Variants in MAPKBP1 observed in about 807,000 individuals in gnomAD.
The protein encoded by MAPKBP1 is mitogen-activated protein kinase binding protein 1.
In MAPKBP1, 71 loss-of-function variants were observed where a neutral mutation model predicts 170.5. The ratio of observed to expected loss-of-function variants is 0.42; its 90% CI spans 0.34 to 0.51. MAPKBP1 has a LOEUF of 0.51. Ranked by LOEUF, MAPKBP1 falls within the 20% of genes least tolerant of loss-of-function variation. The pLI is 0.06. For missense variants in MAPKBP1, 1,598 were observed against 1,933.0 expected, an observed-to-expected ratio of 0.83 and a Z score of 3.25; for synonymous variants, 719 against 757.9, an observed-to-expected ratio of 0.95 and a Z score of 0.84.
intron 2 of MAPKBP1, among the ~76,000 whole-genome samples, chr15:41,782,409 G>A (rs1474598560): frequency 6.6e-6 from 1 of 152,206 alleles, no homozygotes; most frequent in East Asian, 1.9e-4. Context: ...GGCAGTTTCT[G>A]AGGGACGTGA....
At chr15:41,819,557 G>GGGGT in intron 21 of MAPKBP1, 38 bp from the exon 22 acceptor site, 1 of 1,384,688 alleles carries the variant, frequency 7.2e-7, no homozygotes, top group Middle Eastern at 2.0e-4. Context: ...CGGGGGGGGG[G>GGGGT]CAGGAGACAC....
In MAPKBP1 at chr15:41,775,260, A is replaced by G. The variant is rs2064077655; in HGVS notation, c.-16A>G. ...AGGACTGGGCCGGGGACTGTCCCAA[A>G]GGGTTTCTCGTCATAATGGCTGTGG... is the stretch of plus-strand genomic sequence containing the variant. On this transcript the variant is annotated 5_prime_UTR_variant, in exon 2 of 31. Transcript: ENST00000457542. 2 of 1,606,848 alleles carry G rather than the reference A, an allele frequency of 1.2e-6. No homozygotes were observed. The highest frequency in any genetic ancestry group is 4.5e-5 in the East Asian group (2 of 44,838).
chr15:41,799,970 A>G, intron 3 of MAPKBP1, 56 bp downstream of exon 3: 4 of 1,448,222 alleles, frequency 2.8e-6, no homozygotes, highest in Non-Finnish European at 3.9e-6. Flanking sequence ...GCCACGCTAG[A>G]GCAGTTGGGA....
rs750860252 is a variant in MAPKBP1 at position 41,820,923 on chromosome 15, T to C, written c.2573T>C (p.Leu858Pro). The change falls in exon 23 of 31, where the codon CTG becomes CCG. Residue 858 changes from leucine (L) to proline (P), a missense_variant. By Grantham distance (98) the Leu-to-Pro change is moderately conservative. This residue lies in a region of MAPKBP1 where 942 missense variants were observed against 953.2 expected (regional missense o/e 0.99). Coordinates refer to ENST00000457542, the MANE Select transcript of MAPKBP1 (RefSeq NM_014994.3). Reference protein sequence around the residue: ...RGRWVQPGVELSVRSMLDLRQ... With the variant: ...RGRWVQPGVEPSVRSMLDLRQ... ...CGCTGGGTTCAGCCAGGTGTGGAAC[T>C]GAGCGTTAGATCCATGCTGGATCTG... The C allele has an allele frequency of 6.2e-7, 1 of 1,614,202 alleles. No individual in the cohort carries two copies.
At chr15:41,778,007 G>A (rs1416015144) in intron 2 of MAPKBP1, among the ~76,000 whole-genome samples, 2 of 152,116 alleles carry the variant, frequency 1.3e-5, no homozygotes, top group Non-Finnish European at 2.9e-5. Flanking sequence ...GTCCAATTCT[G>A]TATTTATCAG....
chr15:41,802,639 A>T (rs1445554902), intron 3 of MAPKBP1, among the ~76,000 whole-genome samples: 2 of 152,042 alleles, frequency 1.3e-5, no homozygotes, highest in African/African-American at 4.8e-5. Flanking sequence ...ACGCCTGGCT[A>T]ATTTTTGTAT....
chr15:41,822,542 G>T, intron 26 of MAPKBP1, 51 bp from the exon 27 acceptor site: 1 of 1,609,440 alleles, frequency 6.2e-7, no homozygotes, highest in Non-Finnish European at 8.5e-7. Flanking sequence ...GCAAAATCTG[G>T]GGCAAGGGCT....
At chr15:41,786,777 A>AAAAAAAAAAAAAAATATATATATATAT in intron 2 of MAPKBP1, among the ~76,000 whole-genome samples, 1 of 32,454 alleles carries the variant, frequency 3.1e-5, no homozygotes, top group Non-Finnish European at 5.6e-5. Flanking sequence ...AAAAAAAAAA[A>AAAAAAAAAAAAAAATATATATATATAT]ATATATATAT....
intron 3 of MAPKBP1, among the ~76,000 whole-genome samples, chr15:41,810,141 T>C (rs2064777300): frequency 6.6e-6 from 1 of 152,188 alleles, no homozygotes; most frequent in Non-Finnish European, 1.5e-5. Context: ...CACACATGCT[T>C]GATACACGTG....
chr15:41,821,037 A>G lies in MAPKBP1; in HGVS notation c.2687A>G (p.Gln896Arg), dbSNP rs2152083568. 3 of 1,614,174 alleles carry G rather than the reference A, an allele frequency of 1.9e-6. No homozygotes were observed. The South Asian group carries it at 3.3e-5, about 18-fold the overall frequency. The change falls in exon 23 of 31, where the codon CAG (glutamine) becomes CGG (arginine). Residue 896 changes from glutamine to arginine, a missense_variant. Physicochemically the swap from Gln to Arg is conservative, Grantham distance 43 (BLOSUM62 1). Transcript: ENST00000457542. The part of the protein sequence containing the change: ...IIPSGPRKHG[Q>R]EALETSLTSQ... ...CCATCTGGTCCCAGGAAGCATGGGCAGGAGGCCCTTGAGACTTCACTCACT... is the reference window on the plus strand; with the variant it reads ...CCATCTGGTCCCAGGAAGCATGGGCGGGAGGCCCTTGAGACTTCACTCACT...
chr15:41,822,432 G>C lies in MAPKBP1; in HGVS notation c.3229+10G>C. 6.2e-7 allele frequency: 1 copy of C among 1,613,048 alleles called. No homozygotes were observed. On this transcript the variant is annotated intron_variant, in intron 26 of 30. Transcript: ENST00000457542. ...AGTGGAGCTGCTCCAGGTGTGGTCAGAGGGCCAGCATTTAGTGCCTGCAAT... is the reference window on the plus strand; with the variant it reads ...AGTGGAGCTGCTCCAGGTGTGGTCACAGGGCCAGCATTTAGTGCCTGCAAT...
intron 2 of MAPKBP1, among the ~76,000 whole-genome samples, chr15:41,782,352 C>T (rs1248731992): frequency 3.3e-5 from 5 of 152,014 alleles, no homozygotes; most frequent in Middle Eastern, 3.4e-3. Context: ...ATGATTTCCC[C>T]GTGTAACCAC....
At chr15:41,819,547 C>CAGGG (rs765528665) in intron 21 of MAPKBP1, 48 bp from the exon 22 acceptor site, 35,043 of 1,216,344 alleles carry the variant, frequency 0.029, 515 homozygotes, top group East Asian at 0.052. Flanking sequence ...GGTTGGGTGG[C>CAGGG]GGGGGGGGGG....
intron 2 of MAPKBP1, among the ~76,000 whole-genome samples, chr15:41,791,185 G>T (rs906737152): frequency 2.0e-4 from 30 of 152,156 alleles, no homozygotes; most frequent in Admixed American, 2.0e-3. Flanking sequence ...AATTGAGTGG[G>T]ATTGAGAAGT....
intron 30 of MAPKBP1, among the ~76,000 whole-genome samples, chr15:41,824,781 T>C (rs1295285132): frequency 6.6e-6 from 1 of 152,174 alleles, no homozygotes; most frequent in Admixed American, 6.5e-5. Flanking sequence ...AGCTGGAGAC[T>C]TCCCTCAGGA....
chr15:41,808,474 T>C (rs2064744089), intron 3 of MAPKBP1, among the ~76,000 whole-genome samples: 2 of 150,546 alleles, frequency 1.3e-5, no homozygotes, highest in Admixed American at 6.6e-5. Flanking sequence ...CTTGCTTTTG[T>C]CGTACTTTTT....
chr15:41,774,488 C>A lies in MAPKBP1; in HGVS notation c.-232C>A. ...CCAGGCGGTAGTTCGCGTTTTGAGC[C>A]GATCGTGCCACCATAGCTCCTGCTG... On this transcript the variant is annotated 5_prime_UTR_variant, in exon 1 of 31. Transcript: ENST00000457542. 2.5e-6 allele frequency: 1 copy of A among 398,498 alleles called. No homozygotes were observed. The highest frequency in any genetic ancestry group is 4.4e-6 in the Non-Finnish European group (1 of 225,970). The allele number at this position is 398,498 out of a possible 1,614,324, so 24.7% of individuals were successfully genotyped here.
At chr15:41,800,047 A>G (rs1567142052) in intron 3 of MAPKBP1, 133 bp downstream of exon 3, 2 of 746,858 alleles carry the variant, frequency 2.7e-6, no homozygotes, top group East Asian at 2.6e-5. Flanking sequence ...TCATTTTTGT[A>G]AAGAGACGCA....
At chr15:41,774,852 C>T (rs1057019506) in intron 1 of MAPKBP1, 2 of 413,636 alleles carry the variant, frequency 4.8e-6, no homozygotes, top group Non-Finnish European at 8.5e-6. Flanking sequence ...GGCCTCCTCC[C>T]TTGGACACTA....
Sources: allele counts gnomAD v4.1 joint callset (sites outside exome capture counted in the v4.1 genomes callset), GRCh38; gene constraint gnomAD v4.1.1; regional missense constraint gnomAD v4.1.1; transcripts MANE v1.5; gene names NCBI Gene and HGNC (gene_info 2026-07-23, HGNC 2026-07-21).